Variants in ADGRE5 observed in about 807,000 individuals in gnomAD.
The protein encoded by ADGRE5 is adhesion G protein-coupled receptor E5.
ADGRE5 carries 72 observed loss-of-function variants against 100.3 expected under a neutral mutation model. That is an observed-to-expected ratio of 0.72 (90% confidence interval 0.59 to 0.87). ADGRE5 has a LOEUF of 0.87. Among genes scored for constraint, ADGRE5 ranks in the 40% least tolerant of loss-of-function variants. ADGRE5 has a pLI of 0.00. For synonymous variants in ADGRE5, 439 were observed against 447.8 expected, an observed-to-expected ratio of 0.98 and a Z score of 0.25; for missense variants, 959 against 1,094.7, an observed-to-expected ratio of 0.88 and a Z score of 1.75.
At position 14,397,408 on chromosome 19, in the gene ADGRE5, G is replaced by A. The variant is rs1003727653; in HGVS notation, c.625+185G>A. 7.7e-6 allele frequency: 6 copies of A among 777,402 alleles called. No homozygotes were observed. The East Asian group carries it at 1.6e-4, about 21-fold the overall frequency. 48.2% of individuals were successfully genotyped at this position (777,402 alleles called of 1,614,324 possible). A position where few individuals can be genotyped will look rare whatever the true frequency, so the allele number is the denominator to read the frequency against. Reference sequence around the variant, plus strand: ...TCCGGAAGGAGCTGGGGTACTGAGGGGGAAGGCTCAGGGGGACCCCAGGCA... The same window carrying A: ...TCCGGAAGGAGCTGGGGTACTGAGGAGGAAGGCTCAGGGGGACCCCAGGCA... On this transcript the variant is annotated intron_variant, in intron 6 of 19. Coordinates refer to ENST00000242786, the MANE Select transcript of ADGRE5 (RefSeq NM_078481.4).
chr19:14,392,488 A>G (rs1380331530), intron 4 of ADGRE5, among the ~76,000 whole-genome samples: 6 of 152,186 alleles, frequency 3.9e-5, no homozygotes, highest in Non-Finnish European at 7.3e-5. Context: ...TTTTAAAGAT[A>G]AAAACAAAAG....
At chr19:14,408,723 AGATG>A, downstream of ADGRE5, 1 of 651,430 alleles carries the variant, frequency 1.5e-6, no homozygotes, top group Non-Finnish European at 2.5e-6. Flanking sequence ...TGCATACAGA[AGATG>A]GCCTTGCCTG....
At chr19:14,391,279 G>A in intron 4 of ADGRE5, 200 bp downstream of exon 4, 1 of 657,364 alleles carries the variant, frequency 1.5e-6, no homozygotes, top group Non-Finnish European at 2.6e-6. Context: ...TCTGGGACCA[G>A]CTGCCTGGGC....
In ADGRE5 at chr19:14,403,972, G is replaced by A. The variant is rs185392747; in HGVS notation, c.1450-411G>A. On this transcript the variant is annotated intron_variant, in intron 12 of 19. Transcript: ENST00000242786. ...GCTCAGTGCAACCTCCACCTCCCAG[G>A]TTCAAGCGATTCTCCTGCCCAGGAC... is the stretch of plus-strand genomic sequence containing the variant. Among the ~76,000 whole-genome samples the A allele has an allele frequency of 3.5e-3, 503 of 144,424 alleles. 3 individuals carry two copies. The highest frequency in any genetic ancestry group is 5.5e-3 in the Non-Finnish European group (368 of 67,032). The allele number at this position is 144,424 out of a possible 152,430, so 94.7% of individuals were successfully genotyped here.
chr19:14,381,496 C>T lies in ADGRE5; in HGVS notation c.-28C>T, dbSNP rs535897631. On this transcript the variant is annotated 5_prime_UTR_variant, in exon 1 of 20. Transcript: ENST00000242786. ...CAGCCCTGTCCCACTCACTCTTTCC[C>T]CTGCCGCTCCTGCCGGCAGCTCCAA... The T allele has an allele frequency of 9.9e-6, 16 of 1,610,294 alleles. No homozygotes were observed. In the African/African-American group the frequency reaches 1.2e-4, roughly 12 times the overall value.
In ADGRE5 at chr19:14,408,129, T is replaced by A. The variant is rs375863625; in HGVS notation, c.*8T>A. 2.2e-5 allele frequency: 36 copies of A among 1,612,592 alleles called. No homozygotes were observed. Among genetic ancestry groups the A allele is most frequent in the Non-Finnish European group, 3.1e-5 (36 of 1,179,958 alleles). On this transcript the variant is annotated 3_prime_UTR_variant, in exon 20 of 20. Coordinates refer to ENST00000242786, the MANE Select transcript of ADGRE5 (RefSeq NM_078481.4). ...TCAGAGTCCGGCATATGAAGGCGCA[T>A]GGTTCTGGACGGCCCAGCAGCTCCT...
At chr19:14,407,273 C>T in intron 18 of ADGRE5, 44 bp downstream of exon 18, 1 of 1,603,850 alleles carries the variant, frequency 6.2e-7, no homozygotes, top group Non-Finnish European at 8.5e-7. Flanking sequence ...ATCCTCCCAC[C>T]TATTTGGGAG....
Position 14,401,814 on chromosome 19 carries a change from G to A in ADGRE5, c.1183+54G>A. The A allele has an allele frequency of 8.0e-7, 1 of 1,244,358 alleles. No individual in the cohort carries two copies. The highest frequency in any genetic ancestry group is 2.5e-5 in the Admixed American group (1 of 39,572). The allele number at this position is 1,244,358 out of a possible 1,614,324, so 77.1% of individuals were successfully genotyped here. ...CGTGGGAGAGAGATGGAGGTGCTGG[G>A]ATGGGGCCAGGGTGAGGTTCAGAAT... On this transcript the variant is annotated intron_variant, in intron 11 of 19. Coordinates refer to ENST00000242786, the MANE Select transcript of ADGRE5 (RefSeq NM_078481.4). This position sits in a 1 kb window ranked among gnomAD's most constrained non-coding sequence, Gnocchi z 4.1.
intron 1 of ADGRE5, among the ~76,000 whole-genome samples, chr19:14,387,287 C>G (rs759231338): frequency 2.0e-4 from 31 of 152,102 alleles, no homozygotes; most frequent in South Asian, 6.2e-4. Flanking sequence ...GAGACCCCCA[C>G]CAGGCTCATG....
chr19:14,390,728 A>G (rs1416286542), intron 3 of ADGRE5, among the ~76,000 whole-genome samples, 196 bp from the exon 4 acceptor site: 1 of 152,182 alleles, frequency 6.6e-6, no homozygotes, highest in Non-Finnish European at 1.5e-5. Flanking sequence ...CTAAGATGCC[A>G]GCCAGAGAAC....
rs750401299 is a variant in ADGRE5, at chr19:14,391,021, A to C, written c.288A>C (p.Gly96=). 29 of 1,614,052 alleles carry C rather than the reference A, an allele frequency of 1.8e-5. No homozygotes were observed. Among genetic ancestry groups the C allele is most frequent in the African/African-American group, 5.3e-5 (4 of 74,914 alleles). The change falls in exon 4 of 20, where the codon GGA becomes GGC. Residue 96 remains glycine (G), a synonymous_variant. Coordinates refer to ENST00000242786, the MANE Select transcript of ADGRE5 (RefSeq NM_078481.4). ...GCTACGACTGCGTGTGCAGCCCGGG[A>C]TATGAGCCTGTTTCTGGGGCAAAAA... The part of the protein sequence containing the change: ...EGSYDCVCSP[G]YEPVSGAKTF...
Position 14,401,459 on chromosome 19 carries a change from A to T in ADGRE5, c.971A>T (p.His324Leu). 6.2e-7 allele frequency: 1 copy of T among 1,614,146 alleles called. No individual in the cohort carries two copies. Among genetic ancestry groups the T allele is most frequent in the Non-Finnish European group, 8.5e-7 (1 of 1,180,016 alleles). ...GAGGCCCTGGCGCCACCTGTCCGGCACCTCATAGCCACCCAGCTGCTCTCA... is the reference window on the plus strand; with the variant it reads ...GAGGCCCTGGCGCCACCTGTCCGGCTCCTCATAGCCACCCAGCTGCTCTCA... ...DVEALAPPVR[H>L]LIATQLLSNL... The change falls in exon 10 of 20, where the codon CAC becomes CTC. Residue 324 changes from histidine to leucine, a missense_variant. Coordinates refer to ENST00000242786, the MANE Select transcript of ADGRE5 (RefSeq NM_078481.4). The surrounding 1 kb of genome is among the most constrained non-coding windows in gnomAD (Gnocchi z 4.1).
intron 1 of ADGRE5, among the ~76,000 whole-genome samples, chr19:14,387,408 A>C (rs1325498941): frequency 6.6e-6 from 1 of 152,120 alleles, no homozygotes; most frequent in Non-Finnish European, 1.5e-5. Flanking sequence ...GCAACAGAGC[A>C]AGACTCTGTC....
At position 14,406,984 on chromosome 19, in the gene ADGRE5, T is replaced by G; in HGVS notation, c.2207+24T>G. 6.2e-7 allele frequency: 1 copy of G among 1,613,856 alleles called. No homozygotes were observed. Among genetic ancestry groups the G allele is most frequent in the South Asian group, 1.1e-5 (1 of 91,082 alleles). On this transcript the variant is annotated intron_variant, in intron 17 of 19. Transcript: ENST00000242786. This position sits in a 1 kb window ranked among gnomAD's most constrained non-coding sequence, Gnocchi z 6.0. Reference sequence around the variant, plus strand: ...AGGTGAGAGGAGAGGCTGGAAGGACTTGGAGGCGGGGCCGGGGTGAGGGGC... The same window carrying G: ...AGGTGAGAGGAGAGGCTGGAAGGACGTGGAGGCGGGGCCGGGGTGAGGGGC...
chr19:14,383,491 A>T (rs1975232923), intron 1 of ADGRE5, among the ~76,000 whole-genome samples: 1 of 152,056 alleles, frequency 6.6e-6, no homozygotes, highest in African/African-American at 2.4e-5. Flanking sequence ...GGTGACAGTG[A>T]GACCCTGTCT....
At chr19:14,402,442 A>T (rs1159768501) in intron 11 of ADGRE5, among the ~76,000 whole-genome samples, 155 bp from the exon 12 acceptor site, 1 of 152,008 alleles carries the variant, frequency 6.6e-6, no homozygotes, top group African/African-American at 2.4e-5. Context: ...CTCAAAAAAA[A>T]AAAAACAAGG....
intron 3 of ADGRE5, among the ~76,000 whole-genome samples, chr19:14,389,650 C>T (rs1305886886): frequency 1.3e-5 from 2 of 150,904 alleles, no homozygotes; most frequent in African/African-American, 2.4e-5. Flanking sequence ...GCAGGAGAAT[C>T]GCTTAAACCT....
Position 14,407,136 on chromosome 19 carries a change from C to A in ADGRE5, c.2283C>A (p.Asp761Glu). Residue 761 changes from aspartate (D) to glutamate (E), a missense_variant, in exon 18 of 20, where the codon GAC becomes GAA. This residue lies in a region of ADGRE5 where 428 missense variants were observed against 386.2 expected (regional missense o/e 1.11). Transcript: ENST00000242786. ...CTWVFGLFIF[D>E]DRSLVLTYVF... ...GGGTCTTTGGCCTGTTCATCTTCGACGATCGGAGCTTGGTGCTGACCTATG... is the reference window on the plus strand; with the variant it reads ...GGGTCTTTGGCCTGTTCATCTTCGAAGATCGGAGCTTGGTGCTGACCTATG... The A allele has an allele frequency of 1.2e-6, 2 of 1,614,184 alleles. No individual in the cohort carries two copies.
rs1975997921 is a variant in ADGRE5 at position 14,401,284 on chromosome 19, G to A, written c.898-102G>A. The A allele has an allele frequency of 3.2e-6, 3 of 938,918 alleles. No homozygotes were observed. Among genetic ancestry groups the A allele is most frequent in the Admixed American group, 2.6e-5 (1 of 37,928 alleles). The allele number at this position is 938,918 out of a possible 1,614,324, so 58.2% of individuals were successfully genotyped here. A position where few individuals can be genotyped will look rare whatever the true frequency, so the allele number is the denominator to read the frequency against. On this transcript the variant is annotated intron_variant, in intron 9 of 19. Transcript: ENST00000242786. This position sits in a 1 kb window ranked among gnomAD's most constrained non-coding sequence, Gnocchi z 4.1. Reference sequence around the variant, plus strand: ...TCATCTCAGTGATTCCCTTGTGCCTGTGGGTCTCCAGTGTGTCCCCTGGTA... The same window carrying A: ...TCATCTCAGTGATTCCCTTGTGCCTATGGGTCTCCAGTGTGTCCCCTGGTA...
Sources: gnomAD v4.1 joint callset for allele counts (sites outside exome capture counted in the v4.1 genomes callset) on GRCh38, gnomAD v4.1.1 for gene constraint, gnomAD v4.1.1 regional missense constraint, Gnocchi (gnomAD v3.1) non-coding constraint, MANE v1.5 for transcripts, NCBI Gene and HGNC (gene_info 2026-07-23, HGNC 2026-07-21) for gene names.